The following GLMN variants were observed in gnomAD, a reference collection of about 807,000 sequenced individuals.
The protein encoded by GLMN is glomulin.
GLMN carries 75 observed loss-of-function variants against 87.8 expected under a neutral mutation model. That is an observed-to-expected ratio of 0.85 (90% CI 0.71 to 1.04). The LOEUF (loss-of-function observed/expected upper bound fraction) is 1.04, where lower values mean the gene tolerates loss of function less well. GLMN is among the 50% of genes least tolerant of loss of function. GLMN has a pLI of 0.00. For synonymous variants in GLMN, 206 were observed against 221.6 expected (o/e 0.93, Z 0.63); for missense variants, 588 against 658.8 (o/e 0.89, Z 1.18).
chr1:92,273,441 G>GTTT (rs563200839), intron 7 of GLMN, among the ~76,000 whole-genome samples: 37 of 109,424 alleles, frequency 3.4e-4, no homozygotes, highest in Admixed American at 5.2e-4. Context: ...AGGTAGCCCT[G>GTTT]TTTTTTTTTT....
the GLMN span, among the ~76,000 whole-genome samples, chr1:92,352,031 G>C: frequency 6.6e-6 from 1 of 152,096 alleles, no homozygotes; most frequent in Non-Finnish European, 1.5e-5. Context: ...AAGGATAGAG[G>C]ATAAAGTGAC....
At chr1:92,332,101 C>G in the GLMN span, among the ~76,000 whole-genome samples, 1 of 151,488 alleles carries the variant, frequency 6.6e-6, no homozygotes, top group East Asian at 1.9e-4. Flanking sequence ...CATTCTGCCT[C>G]TTCTCTTTAG....
At chr1:92,295,314 CTTG>C (rs1427297963) in intron 3 of GLMN, among the ~76,000 whole-genome samples, 2 of 151,184 alleles carry the variant, frequency 1.3e-5, no homozygotes, top group Admixed American at 1.3e-4. Context: ...CAGGTAAATT[CTTG>C]TTTTTTTTTT....
rs1055801148 is a variant in GLMN, at chr1:92,279,527, C to G, written c.735+6963G>C. Among the ~76,000 whole-genome samples, 5 of 151,934 alleles carry G rather than the reference C, an allele frequency of 3.3e-5. No homozygotes were observed. The South Asian group carries it at 1.0e-3, about 32-fold the overall frequency. ...TAGGAACAGCTCAGGTCTGCAGCTCCCAGCGAGATCGACGCAGAAGACCAG... is the reference window on the plus strand; with the variant it reads ...TAGGAACAGCTCAGGTCTGCAGCTCGCAGCGAGATCGACGCAGAAGACCAG... On this transcript the variant is annotated intron_variant, in intron 7 of 18. Coordinates refer to ENST00000370360, the MANE Select transcript of GLMN (RefSeq NM_053274.3).
chr1:92,344,314 A>G, the GLMN span, among the ~76,000 whole-genome samples: 5 of 152,154 alleles, frequency 3.3e-5, no homozygotes, highest in South Asian at 2.1e-4. Context: ...CTGAGGCAGA[A>G]GAATTGCTTG....
At chr1:92,278,519 T>C (rs774522298) in intron 7 of GLMN, among the ~76,000 whole-genome samples, 84 of 152,198 alleles carry the variant, frequency 5.5e-4, no homozygotes, top group Non-Finnish European at 8.4e-4. Flanking sequence ...GACCCCTTTT[T>C]CCATCTCTCC....
chr1:92,351,727 T>C, the GLMN span, among the ~76,000 whole-genome samples: 1 of 152,294 alleles, frequency 6.6e-6, no homozygotes, highest in South Asian at 2.1e-4. Context: ...AGAAGACATA[T>C]AGAAGGCTAT....
intron 7 of GLMN, among the ~76,000 whole-genome samples, chr1:92,285,403 G>A (rs185853933): frequency 5.9e-5 from 9 of 152,182 alleles, no homozygotes; most frequent in Admixed American, 5.9e-4. Context: ...TCATTGGTAG[G>A]AGTTGAACAA....
the GLMN span, among the ~76,000 whole-genome samples, chr1:92,337,320 ATACTG>A: frequency 6.6e-6 from 1 of 152,170 alleles, no homozygotes; most frequent in Non-Finnish European, 1.5e-5. Context: ...TTGCAGTCAC[ATACTG>A]TACATTAGTA....
intron 15 of GLMN, 76 bp from the exon 16 acceptor site, chr1:92,263,002 G>T: frequency 4.6e-6 from 3 of 648,944 alleles, no homozygotes; most frequent in South Asian, 1.7e-5. Context: ...CTAAAACTTT[G>T]GTCATATTTT....
rs972104125 is a variant in GLMN at position 92,256,521 on chromosome 1, C to A, written c.1473+6342G>T. On this transcript the variant is annotated intron_variant, in intron 16 of 18. Transcript: ENST00000370360. Reference sequence around the variant, plus strand: ...AAATCCTTAATAAAATACTGGCAAACCAAATATAGCAGCACATCAAAAAGC... The same window carrying A: ...AAATCCTTAATAAAATACTGGCAAAACAAATATAGCAGCACATCAAAAAGC... Among the ~76,000 whole-genome samples the A allele has an allele frequency of 2.6e-5, 4 of 152,150 alleles. No homozygotes were observed. The South Asian group carries it at 6.2e-4, about 24-fold the overall frequency.
Position 92,266,408 on chromosome 1 carries a change from T to C in GLMN, c.1214+11A>G. On this transcript the variant is annotated intron_variant, in intron 13 of 18. Transcript: ENST00000370360. ...CCACACACTTAGCAATTAGCCATGC[T>C]TGATACATACCTAAATAATGTATAT... The C allele has an allele frequency of 1.4e-6, 2 of 1,398,874 alleles. No homozygotes were observed. The highest frequency in any genetic ancestry group is 2.0e-6 in the Non-Finnish European group (2 of 984,778). 86.7% of individuals were successfully genotyped at this position (1,398,874 alleles called of 1,614,324 possible). A position where few individuals can be genotyped will look rare whatever the true frequency, so the allele number is the denominator to read the frequency against.
the GLMN span, among the ~76,000 whole-genome samples, chr1:92,369,087 A>G: frequency 6.6e-6 from 1 of 152,190 alleles, no homozygotes; most frequent in Non-Finnish European, 1.5e-5. Flanking sequence ...GTTTTTATTC[A>G]TACTTAAAAG....
intron 7 of GLMN, among the ~76,000 whole-genome samples, chr1:92,277,529 G>C (rs1286666297): frequency 6.6e-6 from 1 of 152,164 alleles, no homozygotes; most frequent in African/African-American, 2.4e-5. Flanking sequence ...TGATTAGAAG[G>C]CTGGACCTTT....
the GLMN span, among the ~76,000 whole-genome samples, chr1:92,340,451 A>G: frequency 6.6e-6 from 1 of 152,226 alleles, no homozygotes; most frequent in Non-Finnish European, 1.5e-5. Context: ...GATAGTGGGA[A>G]AGAGTTGACA....
the GLMN span, among the ~76,000 whole-genome samples, chr1:92,314,565 C>A: frequency 6.6e-5 from 10 of 151,788 alleles, no homozygotes; most frequent in Admixed American, 6.6e-4. Context: ...GCCTGGCCAA[C>A]AGGGTGAAAC....
At chr1:92,345,920 T>A in the GLMN span, 1 of 1,582,184 alleles carries the variant, frequency 6.3e-7, no homozygotes, top group South Asian at 1.1e-5. Flanking sequence ...TCATTGTAAG[T>A]ACTCTCTCAG....
chr1:92,316,164 T>C, the GLMN span, among the ~76,000 whole-genome samples: 27 of 152,054 alleles, frequency 1.8e-4, no homozygotes, highest in African/African-American at 6.3e-4. Context: ...GAAATTGGGG[T>C]GAATGGTTAA....
chr1:92,286,683 A>G (rs1570958073), intron 6 of GLMN, 91 bp from the exon 7 acceptor site: 1 of 744,182 alleles, frequency 1.3e-6, no homozygotes, highest in African/African-American at 1.7e-5. Context: ...TACTTGAAAA[A>G]TAACATAAGC....
Sources: gnomAD v4.1 joint callset for allele counts (sites outside exome capture counted in the v4.1 genomes callset) on GRCh38, gnomAD v4.1.1 for gene constraint, MANE v1.5 for transcripts, NCBI Gene and HGNC (gene_info 2026-07-23, HGNC 2026-07-21) for gene names.